Variants in HSPA4L observed in about 807,000 individuals in gnomAD.
HSPA4L encodes heat shock 70 kDa protein 4L.
HSPA4L carries 48 observed loss-of-function variants against 100.3 expected under a neutral mutation model. The observed-to-expected ratio is 0.48, with a 90% CI of 0.38 to 0.61. HSPA4L has a LOEUF of 0.61. Ranked by LOEUF, HSPA4L falls within the 20% of genes least tolerant of loss-of-function variation. The pLI is 0.00. For missense variants in HSPA4L, 886 were observed against 988.6 expected (o/e 0.90, Z 1.39); for synonymous variants, 319 against 328.2 (o/e 0.97, Z 0.30).
chr4:127,796,184 G>A (rs1733017064), intron 3 of HSPA4L, among the ~76,000 whole-genome samples: 1 of 152,086 alleles, frequency 6.6e-6, no homozygotes, highest in Non-Finnish European at 1.5e-5. Context: ...ATAGGATTCA[G>A]AAGAATAGAC....
Position 127,830,690 on chromosome 4 carries a change from G to T in HSPA4L, c.2219G>T (p.Cys740Phe). 1.2e-6 allele frequency: 2 copies of T among 1,609,360 alleles called. No individual in the cohort carries two copies. Among genetic ancestry groups the T allele is most frequent in the Non-Finnish European group, 1.7e-6 (2 of 1,177,832 alleles). ...ACTGAAATGGAAAAGGTTGAAAAAT[G>T]TATCAGTGATGCCATGAGTTGGCTG... ...DPTEMEKVEKCISDAMSWLNS... is the reference protein window; with the variant it reads ...DPTEMEKVEKFISDAMSWLNS... Residue 740 changes from cysteine (C) to phenylalanine (F), a missense_variant, in exon 18 of 19, where the codon TGT (cysteine) becomes TTT (phenylalanine). Coordinates refer to ENST00000296464, the MANE Select transcript of HSPA4L (RefSeq NM_014278.4).
chr4:127,838,165 T>G lies in HSPA4L; in HGVS notation c.*5291T>G, dbSNP rs1001749644. The G allele has an allele frequency of 6.6e-6, 1 of 152,210 alleles. No homozygotes were observed. The highest frequency in any genetic ancestry group is 2.4e-5 in the African/African-American group (1 of 41,444). The allele number at this position is 152,210 out of a possible 1,614,324, so 9.4% of individuals were successfully genotyped here. On this transcript the variant is annotated 3_prime_UTR_variant, in exon 19 of 19. Transcript: ENST00000296464. ...GCTTTGGATTTATAATGCTGCCAGA[T>G]GTCATTACAATTTTTTTTCTAAATT...
chr4:127,801,668 T>A, intron 5 of HSPA4L, 117 bp from the exon 6 acceptor site: 1 of 742,864 alleles, frequency 1.3e-6, no homozygotes. Context: ...TCATTTACTT[T>A]GAAGATAATA....
chr4:127,791,833 T>C (rs1049464877), intron 1 of HSPA4L, among the ~76,000 whole-genome samples: 2 of 152,252 alleles, frequency 1.3e-5, no homozygotes, highest in Non-Finnish European at 2.9e-5. Context: ...CAAACTTTTA[T>C]AGCACCATGT....
chr4:127,839,298 A>AATTAGAGGCCCCGTGCAGTGTG lies in HSPA4L; in HGVS notation c.*6444_*6445insTGATTAGAGGCCCCGTGCAGTG, dbSNP rs1734307104. On this transcript the variant is annotated 3_prime_UTR_variant, in exon 19 of 19. Transcript: ENST00000296464. ...ACCCAGAATGTAGATGTCAAAATGT[A>AATTAGAGGCCCCGTGCAGTGTG]ATTAGAGGCCCCGTGCAGTGGCTCA... 2 of 152,102 alleles carry AATTAGAGGCCCCGTGCAGTGTG rather than the reference A, an allele frequency of 1.3e-5. No individual in the cohort carries two copies. Among genetic ancestry groups the AATTAGAGGCCCCGTGCAGTGTG allele is most frequent in the South Asian group, 4.1e-4 (2 of 4,832 alleles). The allele number at this position is 152,102 out of a possible 1,614,324, so 9.4% of individuals were successfully genotyped here.
chr4:127,815,701 A>G (rs550271241), intron 12 of HSPA4L, among the ~76,000 whole-genome samples: 7 of 152,280 alleles, frequency 4.6e-5, no homozygotes, highest in African/African-American at 1.7e-4. Context: ...CACTAGGGAT[A>G]CAGTGATTAA....
chr4:127,813,936 G>C (rs956452910), intron 12 of HSPA4L, among the ~76,000 whole-genome samples: 1 of 152,088 alleles, frequency 6.6e-6, no homozygotes, highest in African/African-American at 2.4e-5. Context: ...GAGCCACTGC[G>C]CCTGGCTCAT....
At chr4:127,794,881 C>T (rs1160931447) in intron 2 of HSPA4L, among the ~76,000 whole-genome samples, 1 of 152,046 alleles carries the variant, frequency 6.6e-6, no homozygotes, top group African/African-American at 2.4e-5. Context: ...GTCTGTTTGG[C>T]TTTAAAGGTC....
Position 127,832,956 on chromosome 4 carries a change from C to CGCTCAGTT in HSPA4L, c.*84_*91dup. ...TTTTACATCTGGTACACACAACAGA[C>CGCTCAGTT]GCTCAGTTGTTCTTAACCACTTTTG... On this transcript the variant is annotated 3_prime_UTR_variant, in exon 19 of 19. Coordinates refer to ENST00000296464, the MANE Select transcript of HSPA4L (RefSeq NM_014278.4). 1.0e-6 allele frequency: 1 copy of CGCTCAGTT among 997,744 alleles called. No individual in the cohort carries two copies. The highest frequency in any genetic ancestry group is 2.7e-5 in the East Asian group (1 of 37,710). The allele number at this position is 997,744 out of a possible 1,614,324, so 61.8% of individuals were successfully genotyped here. A position where few individuals can be genotyped will look rare whatever the true frequency, so the allele number is the denominator to read the frequency against.
chr4:127,826,251 A>T (rs965246058), intron 16 of HSPA4L, among the ~76,000 whole-genome samples: 1 of 152,132 alleles, frequency 6.6e-6, no homozygotes, highest in African/African-American at 2.4e-5. Flanking sequence ...CTACAAAAAA[A>T]TAAATTAGCC....
Position 127,839,299 on chromosome 4 carries a change from AT to A in HSPA4L, c.*6427del, listed in dbSNP as rs1189292261. 2 of 152,174 alleles carry A rather than the reference AT, an allele frequency of 1.3e-5. No homozygotes were observed. The highest frequency in any genetic ancestry group is 6.5e-5 in the Admixed American group (1 of 15,268). The allele number at this position is 152,174 out of a possible 1,614,324, so 9.4% of individuals were successfully genotyped here. A position where few individuals can be genotyped will look rare whatever the true frequency, so the allele number is the denominator to read the frequency against. On this transcript the variant is annotated 3_prime_UTR_variant, in exon 19 of 19. Transcript: ENST00000296464. ...CCCAGAATGTAGATGTCAAAATGTA[AT>A]TAGAGGCCCCGTGCAGTGGCTCACG...
intron 4 of HSPA4L, among the ~76,000 whole-genome samples, chr4:127,799,316 A>G (rs1448802570): frequency 6.6e-6 from 1 of 152,064 alleles, no homozygotes; most frequent in Non-Finnish European, 1.5e-5. Context: ...AATTTTTTTA[A>G]TGGGAGAAAA....
At chr4:127,801,294 C>G in intron 5 of HSPA4L, 57 bp downstream of exon 5, 1 of 1,241,428 alleles carries the variant, frequency 8.1e-7, no homozygotes, top group Non-Finnish European at 1.1e-6. Flanking sequence ...TAGTTTTTTT[C>G]TAATTATTAA....
rs1734253566 is a variant in HSPA4L, at chr4:127,838,090, A to T, written c.*5216A>T. On this transcript the variant is annotated 3_prime_UTR_variant, in exon 19 of 19. Coordinates refer to ENST00000296464, the MANE Select transcript of HSPA4L (RefSeq NM_014278.4). ...AGTGCTGAGATTACAGGCGTGAGCC[A>T]CCGCACCTGGCCAATGTTCTTTTAT... 6.6e-6 allele frequency: 1 copy of T among 152,236 alleles called. No homozygotes were observed. Among genetic ancestry groups the T allele is most frequent in the African/African-American group, 2.4e-5 (1 of 41,444 alleles). 9.4% of individuals were successfully genotyped at this position (152,236 alleles called of 1,614,324 possible).
At chr4:127,821,038 C>A (rs1036318871) in intron 14 of HSPA4L, among the ~76,000 whole-genome samples, 2 of 151,938 alleles carry the variant, frequency 1.3e-5, no homozygotes, top group Non-Finnish European at 2.9e-5. Context: ...CTAGAGGAAA[C>A]GAGTTTTGTT....
Position 127,794,107 on chromosome 4 carries a change from A to G in HSPA4L, c.138A>G (p.Arg46=), listed in dbSNP as rs756572459. Residue 46 remains arginine, a synonymous_variant, in exon 2 of 19, where the codon CGA becomes CGG. Coordinates refer to ENST00000296464, the MANE Select transcript of HSPA4L (RefSeq NM_014278.4). ...GTATATCATTGGGATCAAGAACTCG[A>G]GCCATTGGAAATGCAGCAAAGAGCC... is the stretch of plus-strand genomic sequence containing the variant. ...PACISLGSRT[R]AIGNAAKSQI... 6.2e-7 allele frequency: 1 copy of G among 1,611,138 alleles called. No individual in the cohort carries two copies. Among genetic ancestry groups the G allele is most frequent in the Non-Finnish European group, 8.5e-7 (1 of 1,178,130 alleles).
chr4:127,795,696 T>C (rs2148780088), intron 2 of HSPA4L, 72 bp from the exon 3 acceptor site: 1 of 1,451,744 alleles, frequency 6.9e-7, no homozygotes, highest in East Asian at 2.3e-5. Context: ...TTGGTGGTTG[T>C]CAAGTACTAG....
intron 11 of HSPA4L, among the ~76,000 whole-genome samples, chr4:127,810,893 T>C (rs1380714265): frequency 6.6e-6 from 1 of 152,116 alleles, no homozygotes; most frequent in Non-Finnish European, 1.5e-5. Context: ...CTCTCTTCTA[T>C]AGATAATATA....
chr4:127,830,618 A>G lies in HSPA4L; in HGVS notation c.2167-20A>G, dbSNP rs763291558. ...CTGAAAAATCATTAACATGCAGTCA[A>G]GCTTTTTTTTTTTAAATAGGATGAA... On this transcript the variant is annotated intron_variant, in intron 17 of 18. Transcript: ENST00000296464. 6.5e-7 allele frequency: 1 copy of G among 1,543,758 alleles called. No homozygotes were observed. The highest frequency in any genetic ancestry group is 8.7e-7 in the Non-Finnish European group (1 of 1,146,602).
Sources: allele counts gnomAD v4.1 joint callset (sites outside exome capture counted in the v4.1 genomes callset), GRCh38; gene constraint gnomAD v4.1.1; transcripts MANE v1.5; gene names NCBI Gene and HGNC (gene_info 2026-07-23, HGNC 2026-07-21).